Variants in FKRP observed in about 807,000 individuals in gnomAD.
FKRP encodes the protein ribitol 5-phosphate transferase FKRP.
Under a neutral mutation model 30.6 loss-of-function variants are expected in FKRP, and 25 were observed. The observed-to-expected ratio is 0.82, with a 90% confidence interval of 0.60 to 1.14. The LOEUF is 1.14. FKRP is among the 50% of genes most tolerant of loss of function. The pLI, the probability that FKRP is intolerant of heterozygous loss-of-function variation, is 0.00. For synonymous variants in FKRP, 358 were observed against 342.5 expected (o/e 1.05, Z -0.50); for missense variants, 771 against 727.8 (o/e 1.06, Z -0.68).
chr19:46,747,232 AGAG>A (rs1311708100), intron 1 of FKRP: 1 of 152,416 alleles, frequency 6.6e-6, no homozygotes, highest in Non-Finnish European at 1.5e-5. Flanking sequence ...GTTTTTATTT[AGAG>A]GAGATGCTCT....
At chr19:46,746,229 TC>T in intron 1 of FKRP, 139 bp downstream of exon 1, 2 of 1,523,968 alleles carry the variant, frequency 1.3e-6, no homozygotes, top group East Asian at 2.7e-5. Context: ...AAGTGCAGGA[TC>T]CCCGGCAGGC....
intron 3 of FKRP, among the ~76,000 whole-genome samples, chr19:46,749,410 T>A (rs1255131278): frequency 7.6e-6 from 1 of 131,208 alleles, no homozygotes; most frequent in Non-Finnish European, 1.7e-5. Flanking sequence ...TTTGTTTCCT[T>A]TTTTTTTTTT....
In FKRP at chr19:46,756,407, G is replaced by A. The variant is rs2054924570; in HGVS notation, c.957G>A (p.Leu319=). Residue 319 remains leucine, a synonymous_variant, in exon 4 of 4, where the codon CTG becomes CTA. Coordinates refer to ENST00000318584, the MANE Select transcript of FKRP (RefSeq NM_024301.5). The surrounding 1 kb of genome is among the most constrained non-coding windows in gnomAD (Gnocchi z 6.6). ...AGCGCTGGACGCCCCCCTGCTGCCT[G>A]CGCGCGCTGCGCGAGACCGCCCGCT... is the stretch of plus-strand genomic sequence containing the variant. ...YEERWTPPCC[L]RALRETARYV... 6.4e-7 allele frequency: 1 copy of A among 1,571,624 alleles called. No homozygotes were observed. Among genetic ancestry groups the A allele is most frequent in the South Asian group, 1.2e-5 (1 of 86,104 alleles).
chr19:46,745,287 C>G (rs564148074), upstream of FKRP, among the ~76,000 whole-genome samples: 10 of 152,254 alleles, frequency 6.6e-5, no homozygotes, highest in African/African-American at 2.4e-4. Flanking sequence ...AGTGGAACTT[C>G]CACTCTTAAG....
In FKRP at chr19:46,756,901, C is replaced by T; in HGVS notation, c.1451C>T (p.Pro484Leu). ...GGGGTCATCGAGAACCCCCAGTACC[C>T]CAACCCGGCACTGCTGAGTCTGACG... The part of the protein sequence containing the change: ...GPGVIENPQY[P>L]NPALLSLTGS... Residue 484 changes from proline to leucine, a missense_variant, in exon 4 of 4, where the codon CCC becomes CTC. Coordinates refer to ENST00000318584, the MANE Select transcript of FKRP (RefSeq NM_024301.5). The surrounding 1 kb of genome is among the most constrained non-coding windows in gnomAD (Gnocchi z 6.6). 6.2e-7 allele frequency: 1 copy of T among 1,613,014 alleles called. No individual in the cohort carries two copies. Among genetic ancestry groups the T allele is most frequent in the Non-Finnish European group, 8.5e-7 (1 of 1,179,936 alleles).
chr19:46,745,579 C>T (rs573116499), upstream of FKRP, among the ~76,000 whole-genome samples: 1 of 152,288 alleles, frequency 6.6e-6, no homozygotes, highest in East Asian at 1.9e-4. Flanking sequence ...CCCATCTGGA[C>T]CCGCTCTTTC....
At chr19:46,749,450 G>A (rs1401004707) in intron 3 of FKRP, among the ~76,000 whole-genome samples, 1 of 140,620 alleles carries the variant, frequency 7.1e-6, no homozygotes, top group African/African-American at 2.7e-5. Context: ...CTCGAGGCCA[G>A]GCGCGGTGGC....
rs1060502110 is a variant in FKRP at position 46,755,532 on chromosome 19, C to G, written c.82C>G (p.Gln28Glu). 3.7e-6 allele frequency: 6 copies of G among 1,609,110 alleles called. No individual in the cohort carries two copies. The highest frequency in any genetic ancestry group is 4.5e-5 in the East Asian group (2 of 44,708). The change falls in exon 4 of 4, where the codon CAG (glutamine) becomes GAG (glutamate). Residue 28 changes from glutamine to glutamate, a missense_variant. Coordinates refer to ENST00000318584, the MANE Select transcript of FKRP (RefSeq NM_024301.5). ...GGTCCTCTTCTATGTCTCGTGGCTG[C>G]AGCACCAGCCTAGGAATTCCCGGGC... ...LLVLFYVSWL[Q>E]HQPRNSRARG...
At chr19:46,755,032 A>C (rs1424573671) in intron 3 of FKRP, among the ~76,000 whole-genome samples, 1 of 152,024 alleles carries the variant, frequency 6.6e-6, no homozygotes, top group East Asian at 1.9e-4. Context: ...AGTAGTGTTA[A>C]ATGCATTCAT....
chr19:46,746,500 C>T lies in FKRP; in HGVS notation c.-253+410C>T, dbSNP rs1370510889. The T allele has an allele frequency of 2.7e-5, 23 of 854,846 alleles. No individual in the cohort carries two copies. In the Admixed American group the frequency reaches 5.0e-4, roughly 19 times the overall value. The allele number at this position is 854,846 out of a possible 1,614,324, so 53.0% of individuals were successfully genotyped here. A position where few individuals can be genotyped will look rare whatever the true frequency, so the allele number is the denominator to read the frequency against. ...CTGCGCGGCCGCGCCAACACCCCCC[C>T]CCCTCCCCCGCCGCAACCACCGCGC... On this transcript the variant is annotated intron_variant, in intron 1 of 3. Coordinates refer to ENST00000318584, the MANE Select transcript of FKRP (RefSeq NM_024301.5).
intron 1 of FKRP, 178 bp from the exon 2 acceptor site, chr19:46,747,849 C>G (rs2054693951): frequency 6.6e-6 from 1 of 152,274 alleles, no homozygotes; most frequent in South Asian, 2.1e-4. Flanking sequence ...TAATAACTGA[C>G]ATCCCTCCCA....
rs369119537 is a variant in FKRP, at chr19:46,750,047, G to A, written c.-40+1382G>A. On this transcript the variant is annotated intron_variant, in intron 3 of 3. Transcript: ENST00000318584. ...CCATTTTTAAATGTGATCATAACAC[G>A]AGGATTAAACAAGTGAATATGCCTA... Among the ~76,000 whole-genome samples, 8 of 152,056 alleles carry A rather than the reference G, an allele frequency of 5.3e-5. No individual in the cohort carries two copies. The South Asian group carries it at 1.7e-3, about 32-fold the overall frequency.
chr19:46,755,630 C>G lies in FKRP; in HGVS notation c.180C>G (p.Asp60Glu). The G allele has an allele frequency of 5.6e-6, 9 of 1,601,874 alleles. No homozygotes were observed. Among genetic ancestry groups the G allele is most frequent in the Non-Finnish European group, 7.6e-6 (9 of 1,177,704 alleles). Residue 60 changes from aspartate to glutamate, a missense_variant, in exon 4 of 4, where the codon GAC becomes GAG. By Grantham distance (45) the Asp-to-Glu change is conservative. Coordinates refer to ENST00000318584, the MANE Select transcript of FKRP (RefSeq NM_024301.5). ...TVLVREFEAF[D>E]NAVPELVDSF... ...TGGTGCGGGAGTTCGAGGCATTTGA[C>G]AACGCGGTGCCCGAGCTGGTAGACT... is the stretch of plus-strand genomic sequence containing the variant.
At chr19:46,754,571 T>G (rs1468248482) in intron 3 of FKRP, among the ~76,000 whole-genome samples, 1 of 151,138 alleles carries the variant, frequency 6.6e-6, no homozygotes, top group African/African-American at 2.4e-5. Flanking sequence ...CCACTTTTGT[T>G]TTGTTTTTCT....
chr19:46,746,521 C>T, intron 1 of FKRP: 1 of 700,426 alleles, frequency 1.4e-6, no homozygotes, highest in Non-Finnish European at 1.8e-6. Context: ...CCGCAACCAC[C>T]GCGCGCGCGC....
At chr19:46,754,163 T>C (rs542542833) in intron 3 of FKRP, 2 of 152,158 alleles carry the variant, frequency 1.3e-5, no homozygotes, top group East Asian at 3.9e-4. Flanking sequence ...CTCAGCATCC[T>C]GAGTGGCTGG....
chr19:46,755,099 A>G (rs572179077), intron 3 of FKRP, among the ~76,000 whole-genome samples: 2 of 151,864 alleles, frequency 1.3e-5, no homozygotes, highest in South Asian at 4.2e-4. Flanking sequence ...GAAACTCTGT[A>G]CTTATCAAAC....
upstream of FKRP, among the ~76,000 whole-genome samples, chr19:46,744,953 A>G (rs2054549373): frequency 6.6e-6 from 1 of 151,890 alleles, no homozygotes; most frequent in Non-Finnish European, 1.5e-5. Context: ...AGACTCTTCC[A>G]TTCAACATCC....
chr19:46,755,652 G>T lies in FKRP; in HGVS notation c.202G>T (p.Asp68Tyr). 6.3e-7 allele frequency: 1 copy of T among 1,598,084 alleles called. No individual in the cohort carries two copies. Among genetic ancestry groups the T allele is most frequent in the South Asian group, 1.1e-5 (1 of 90,008 alleles). ...AFDNAVPELV[D>Y]SFLQQDPAQP... ...TGACAACGCGGTGCCCGAGCTGGTA[G>T]ACTCCTTCCTGCAGCAAGACCCAGC... Residue 68 changes from aspartate to tyrosine, a missense_variant, in exon 4 of 4, where the codon GAC (aspartate) becomes TAC (tyrosine). By Grantham distance (160) the Asp-to-Tyr change is radical. Transcript: ENST00000318584.
Sources: allele counts gnomAD v4.1 joint callset (sites outside exome capture counted in the v4.1 genomes callset), GRCh38; gene constraint gnomAD v4.1.1; non-coding constraint Gnocchi (gnomAD v3.1); transcripts MANE v1.5; gene names NCBI Gene and HGNC (gene_info 2026-07-23, HGNC 2026-07-21).